CALN1: variants seen among roughly 807,000 people sequenced by gnomAD.
CALN1 encodes the protein calneuron 1, also known as calcium-binding protein 8.
A neutral mutation model predicts 30.6 loss-of-function variants in CALN1; 17 were observed. That is an observed-to-expected ratio of 0.56 (90% CI 0.38 to 0.83). The LOEUF (loss-of-function observed/expected upper bound fraction) is 0.83. Among genes scored for constraint, CALN1 ranks in the 40% least tolerant of loss-of-function variants. CALN1 has a pLI of 0.00. For missense variants in CALN1, 291 were observed against 354.9 expected, an observed-to-expected ratio of 0.82 and a Z score of 1.45; for synonymous variants, 156 against 131.4, an observed-to-expected ratio of 1.19 and a Z score of -1.28.
At chr7:72,246,914 C>T (rs1795203941) in intron 3 of CALN1, among the ~76,000 whole-genome samples, 1 of 152,156 alleles carries the variant, frequency 6.6e-6, no homozygotes, top group South Asian at 2.1e-4. Context: ...GCCACCATGC[C>T]CGGCTAATTT....
intron 5 of CALN1, among the ~76,000 whole-genome samples, chr7:71,856,180 G>C (rs1308761358): frequency 3.3e-5 from 5 of 151,334 alleles, no homozygotes; most frequent in Admixed American, 3.3e-4. Context: ...CCCTTGCCTG[G>C]GGTGATACAT....
intron 2 of CALN1, among the ~76,000 whole-genome samples, chr7:72,388,902 T>C (rs1018700204): frequency 5.3e-5 from 8 of 152,216 alleles, no homozygotes; most frequent in Non-Finnish European, 1.0e-4. Context: ...TCCTGGTATC[T>C]GCCCTGAGTG....
At chr7:72,273,493 G>A (rs1797135033) in intron 3 of CALN1, among the ~76,000 whole-genome samples, 1 of 137,478 alleles carries the variant, frequency 7.3e-6, no homozygotes. Flanking sequence ...AGTGAAGAAG[G>A]CAAGATTCTT....
At chr7:72,326,052 G>A (rs1301587606) in intron 2 of CALN1, among the ~76,000 whole-genome samples, 3 of 152,072 alleles carry the variant, frequency 2.0e-5, no homozygotes, top group Non-Finnish European at 2.9e-5. Flanking sequence ...ACCGGTGCCC[G>A]CCACCACGCC....
At chr7:72,474,870 C>T in the CALN1 span, among the ~76,000 whole-genome samples, 1 of 152,178 alleles carries the variant, frequency 6.6e-6, no homozygotes, top group South Asian at 2.1e-4. Flanking sequence ...CTCTTCCATC[C>T]TTGACTTTGC....
chr7:71,836,635 T>G (rs1296916716), intron 5 of CALN1, among the ~76,000 whole-genome samples: 1 of 151,054 alleles, frequency 6.6e-6, no homozygotes, highest in South Asian at 2.1e-4. Flanking sequence ...TTTTTTTTTT[T>G]TTTTCTGAGA....
At chr7:72,347,717 G>C (rs926977887) in intron 2 of CALN1, among the ~76,000 whole-genome samples, 1 of 152,190 alleles carries the variant, frequency 6.6e-6, no homozygotes, top group African/African-American at 2.4e-5. Context: ...TGCACTAAAA[G>C]AAAATAGCTA....
At chr7:72,291,525 G>A (rs1033032715) in intron 2 of CALN1, among the ~76,000 whole-genome samples, 1 of 152,212 alleles carries the variant, frequency 6.6e-6, no homozygotes, top group Admixed American at 6.5e-5. Flanking sequence ...CACAGGCAGT[G>A]TACATTTGGA....
intron 3 of CALN1, among the ~76,000 whole-genome samples, chr7:72,136,136 A>AAAAT (rs138109942): frequency 0.23 from 31,870 of 140,696 alleles, 3,974 homozygotes; most frequent in Admixed American, 0.28. Context: ...CTCTGTCTCA[A>AAAAT]AAATAAATAA....
In CALN1 at chr7:72,136,382, C is replaced by T. The variant is rs568062528; in HGVS notation, c.245-30088G>A. On this transcript the variant is annotated intron_variant, in intron 3 of 6. Transcript: ENST00000395275. ...AACTTTTTTTCTGCAGCTTCCTTTC[C>T]TCTCTCAGCCTTCATAGAATTGAAA... is the stretch of plus-strand genomic sequence containing the variant. 8.5e-3 allele frequency among the ~76,000 whole-genome samples: 1,296 copies of T among 152,128 alleles called. 20 individuals carry two copies. The highest frequency in any genetic ancestry group is 0.03 in the African/African-American group (1,242 of 41,404).
intron 3 of CALN1, among the ~76,000 whole-genome samples, chr7:72,202,990 G>A (rs952370387): frequency 3.3e-5 from 5 of 152,140 alleles, no homozygotes; most frequent in African/African-American, 4.8e-5. Flanking sequence ...TATACACCAT[G>A]GAATACTATG....
rs574676653 is a variant in CALN1 at position 72,424,138 on chromosome 7, A to C, written c.-225-11863T>G. ...TATCCCTTAGCAGGAGCCAGAGAGC[A>C]CTGAAGAGCCCCCTGGGAAAGGCAA... On this transcript the variant is annotated intron_variant, in intron 1 of 6. Coordinates refer to the CALN1 transcript ENST00000395276. Among the ~76,000 whole-genome samples, 344 of 152,230 alleles carry C rather than the reference A, an allele frequency of 2.3e-3. 1 individual carries two copies. The highest frequency in any genetic ancestry group is 8.1e-3 in the African/African-American group (337 of 41,550).
chr7:71,948,553 G>A (rs972943439), intron 5 of CALN1, among the ~76,000 whole-genome samples: 3 of 151,864 alleles, frequency 2.0e-5, no homozygotes, highest in Non-Finnish European at 4.4e-5. Context: ...AACACGGTGA[G>A]ATCCCCGTCT....
chr7:72,245,962 T>G (rs1043241567), intron 3 of CALN1, among the ~76,000 whole-genome samples: 7 of 152,208 alleles, frequency 4.6e-5, no homozygotes, highest in Non-Finnish European at 4.4e-5. Context: ...TCCTCCACAT[T>G]TTTGAATTGA....
intron 2 of CALN1, among the ~76,000 whole-genome samples, chr7:72,402,148 G>A (rs1585669424): frequency 6.6e-6 from 1 of 151,786 alleles, no homozygotes; most frequent in East Asian, 1.9e-4. Context: ...CTTCCTCAGA[G>A]GCTAAGAGAG....
chr7:72,256,072 C>G (rs750243916), intron 3 of CALN1, among the ~76,000 whole-genome samples: 7 of 152,196 alleles, frequency 4.6e-5, no homozygotes, highest in Non-Finnish European at 8.8e-5. Context: ...GCGATGGGCA[C>G]TTTTCAAGAT....
chr7:71,953,505 C>A (rs539382372), intron 5 of CALN1, among the ~76,000 whole-genome samples: 4 of 152,248 alleles, frequency 2.6e-5, no homozygotes, highest in South Asian at 2.1e-4. Context: ...ACTGTCAAGG[C>A]TTTGGAGAAA....
At chr7:72,096,546 C>T (rs1465087517) in intron 4 of CALN1, among the ~76,000 whole-genome samples, 1 of 151,484 alleles carries the variant, frequency 6.6e-6, no homozygotes, top group Non-Finnish European at 1.5e-5. Context: ...ATGGCTCACA[C>T]CTGTAATCCC....
chr7:72,090,986 A>G (rs906718843), intron 4 of CALN1, among the ~76,000 whole-genome samples: 2 of 152,250 alleles, frequency 1.3e-5, no homozygotes, highest in Non-Finnish European at 2.9e-5. Context: ...GTTATTGAGA[A>G]GGAATGAGAC....
Sources: gnomAD v4.1 joint callset for allele counts (sites outside exome capture counted in the v4.1 genomes callset) on GRCh38, gnomAD v4.1.1 for gene constraint, MANE v1.5 for transcripts, NCBI Gene and HGNC (gene_info 2026-07-23, HGNC 2026-07-21) for gene names.